Variants in SLC36A4 observed in about 807,000 individuals in gnomAD.
The protein encoded by SLC36A4 is solute carrier family 36 member 4.
In SLC36A4, 49 loss-of-function variants were observed where a neutral mutation model predicts 50.5. The ratio of observed to expected loss-of-function variants is 0.97; its 90% CI spans 0.77 to 1.23. The LOEUF is 1.23. SLC36A4 is among the 50% of genes most tolerant of loss of function. The pLI is 0.00. For synonymous variants in SLC36A4, 207 were observed against 206.5 expected, an observed-to-expected ratio of 1.00 and a Z score of -0.02; for missense variants, 611 against 608.4, an observed-to-expected ratio of 1.00 and a Z score of -0.05.
chr11:93,182,233 A>G, intron 4 of SLC36A4: 1 of 743,126 alleles, frequency 1.3e-6, no homozygotes. Flanking sequence ...TTATTTCTCC[A>G]TTCTCTCTTT....
chr11:93,161,286 G>A (rs189061792), intron 9 of SLC36A4, among the ~76,000 whole-genome samples: 13 of 151,920 alleles, frequency 8.6e-5, no homozygotes, highest in East Asian at 1.9e-4. Context: ...CACATTTGAA[G>A]GCAATAAAAT....
chr11:93,154,282 T>C lies in SLC36A4; in HGVS notation c.1038-5A>G. 1.5e-6 allele frequency: 2 copies of C among 1,346,230 alleles called. No individual in the cohort carries two copies. Among genetic ancestry groups the C allele is most frequent in the Non-Finnish European group, 1.9e-6 (2 of 1,032,962 alleles). 83.4% of individuals were successfully genotyped at this position (1,346,230 alleles called of 1,614,324 possible). A position where few individuals can be genotyped will look rare whatever the true frequency, so the allele number is the denominator to read the frequency against. On this transcript the variant is annotated splice_region_variant and splice_polypyrimidine_tract_variant and intron_variant, in intron 9 of 10. Coordinates refer to ENST00000326402, the MANE Select transcript of SLC36A4 (RefSeq NM_152313.4). ...ATTTTCACTGATTGATATAACCTGT[T>C]GAAAAAAATTTTCAAAATTTAGTCA...
At chr11:93,180,933 A>G in intron 5 of SLC36A4, 52 bp from the exon 6 acceptor site, 3 of 1,174,102 alleles carry the variant, frequency 2.6e-6, no homozygotes, top group Non-Finnish European at 2.5e-6. Context: ...TGAAATGTCA[A>G]TATATTTTAT....
In SLC36A4 at chr11:93,186,494, G is replaced by T. The variant is rs556434514; in HGVS notation, c.56-680C>A. 2.6e-5 allele frequency among the ~76,000 whole-genome samples: 4 copies of T among 151,874 alleles called. No homozygotes were observed. In the East Asian group the frequency reaches 5.8e-4, roughly 22 times the overall value. On this transcript the variant is annotated intron_variant, in intron 1 of 10. Transcript: ENST00000326402. ...GTTTCTTTGCCATTATATTTTTTAT[G>T]ATGCCTTTAATCATCTTTTTTTCTT...
At chr11:93,194,053 C>T (rs933436279) in intron 1 of SLC36A4, among the ~76,000 whole-genome samples, 1 of 151,908 alleles carries the variant, frequency 6.6e-6, no homozygotes, top group East Asian at 1.9e-4. Flanking sequence ...GTATCATATG[C>T]TAAGTGGGAA....
At chr11:93,150,446 G>A (rs1472645738) in intron 10 of SLC36A4, among the ~76,000 whole-genome samples, 1 of 151,936 alleles carries the variant, frequency 6.6e-6, no homozygotes, top group East Asian at 1.9e-4. Context: ...TTGGAACTAA[G>A]TTCCCACCAT....
At chr11:93,150,179 C>G (rs905821917) in intron 10 of SLC36A4, among the ~76,000 whole-genome samples, 4 of 151,980 alleles carry the variant, frequency 2.6e-5, no homozygotes, top group Non-Finnish European at 5.9e-5. Flanking sequence ...GAAATAACAC[C>G]TGTGTTTGCT....
At chr11:93,160,534 T>A in intron 9 of SLC36A4, 1 of 985,386 alleles carries the variant, frequency 1.0e-6, no homozygotes, top group Non-Finnish European at 1.2e-6. Context: ...GAAGGATTAA[T>A]TGGAGCTACT....
rs1272395242 is a variant in SLC36A4 at position 93,146,290 on chromosome 11, G to T, written c.*2247C>A. ...AGACTAGAAATATTATCTGAAAACAGGTGACAAAAATCTAATGCTGCTTCC... is the reference window on the plus strand; with the variant it reads ...AGACTAGAAATATTATCTGAAAACATGTGACAAAAATCTAATGCTGCTTCC... On this transcript the variant is annotated 3_prime_UTR_variant, in exon 11 of 11. Coordinates refer to ENST00000326402, the MANE Select transcript of SLC36A4 (RefSeq NM_152313.4). The T allele has an allele frequency of 6.6e-6, 1 of 151,854 alleles. No homozygotes were observed. The highest frequency in any genetic ancestry group is 1.5e-5 in the Non-Finnish European group (1 of 67,916). The allele number at this position is 151,854 out of a possible 1,614,324, so 9.4% of individuals were successfully genotyped here.
Position 93,165,933 on chromosome 11 carries a change from A to G in SLC36A4, c.852T>C (p.Phe284=). The G allele has an allele frequency of 6.2e-7, 1 of 1,606,740 alleles. No individual in the cohort carries two copies. Among genetic ancestry groups the G allele is most frequent in the South Asian group, 1.1e-5 (1 of 89,744 alleles). Residue 284 remains phenylalanine, a synonymous_variant, in exon 8 of 11, where the codon TTT becomes TTC. Transcript: ENST00000326402. ...PLFFGTAVFA[F]EGIGVVLPLE... Reference sequence around the variant, plus strand: ...AAATTCTTACCACTCCTATGCCTTCAAAAGCAAATACAGCAGTACCAAAAA... The same window carrying G: ...AAATTCTTACCACTCCTATGCCTTCGAAAGCAAATACAGCAGTACCAAAAA...
At chr11:93,173,862 G>C (rs1286327546) in intron 6 of SLC36A4, among the ~76,000 whole-genome samples, 8 of 136,196 alleles carry the variant, frequency 5.9e-5, no homozygotes, top group Non-Finnish European at 1.1e-4. Flanking sequence ...TTGTAGTATA[G>C]TTTGAAGTCA....
intron 5 of SLC36A4, 70 bp from the exon 6 acceptor site, chr11:93,180,951 T>C: frequency 9.1e-7 from 1 of 1,095,156 alleles, no homozygotes; most frequent in Non-Finnish European, 1.4e-6. Flanking sequence ...TATTTCTCTT[T>C]TCAAGAGTTT....
chr11:93,164,835 C>T (rs1860790759), intron 8 of SLC36A4, among the ~76,000 whole-genome samples: 1 of 151,868 alleles, frequency 6.6e-6, no homozygotes, highest in African/African-American at 2.4e-5. Flanking sequence ...GAACCAAGGA[C>T]AAAGTAAAAG....
At chr11:93,167,820 T>C (rs989374559) in intron 7 of SLC36A4, 124 bp downstream of exon 7, 3 of 630,420 alleles carry the variant, frequency 4.8e-6, no homozygotes, top group East Asian at 5.5e-5. Flanking sequence ...CATTTACTGA[T>C]TGCACACTGT....
chr11:93,155,782 C>T (rs978647658), intron 9 of SLC36A4, among the ~76,000 whole-genome samples: 3 of 152,098 alleles, frequency 2.0e-5, no homozygotes, highest in East Asian at 1.9e-4. Flanking sequence ...CATGTGTCCG[C>T]GTTTTCATCA....
chr11:93,164,727 G>A (rs555485893), intron 8 of SLC36A4, among the ~76,000 whole-genome samples: 2 of 152,134 alleles, frequency 1.3e-5, no homozygotes, highest in African/African-American at 4.8e-5. Flanking sequence ...TCTGTGTCAC[G>A]CAGCATTATA....
At chr11:93,197,706 T>C in intron 1 of SLC36A4, 72 bp downstream of exon 1, 1 of 1,500,548 alleles carries the variant, frequency 6.7e-7, no homozygotes, top group Non-Finnish European at 9.0e-7. Context: ...CCTGGAGGTG[T>C]GGGCGCACCC....
chr11:93,158,202 A>C (rs1321182215), intron 9 of SLC36A4, among the ~76,000 whole-genome samples: 2 of 152,144 alleles, frequency 1.3e-5, no homozygotes, highest in Non-Finnish European at 2.9e-5. Flanking sequence ...ATACCACATA[A>C]CTGAAAGACA....
intron 1 of SLC36A4, among the ~76,000 whole-genome samples, chr11:93,191,265 C>T (rs1442198376): frequency 6.6e-6 from 1 of 152,112 alleles, no homozygotes; most frequent in Admixed American, 6.5e-5. Flanking sequence ...GATTTCCTTA[C>T]ACTTAACTCT....
Sources: gnomAD v4.1 joint callset for allele counts (sites outside exome capture counted in the v4.1 genomes callset) on GRCh38, gnomAD v4.1.1 for gene constraint, MANE v1.5 for transcripts, NCBI Gene and HGNC (gene_info 2026-07-23, HGNC 2026-07-21) for gene names.